HSD17B4: variants seen among roughly 807,000 people sequenced by gnomAD.
The protein encoded by HSD17B4 is hydroxysteroid 17-beta dehydrogenase 4.
Under a neutral mutation model 101.0 loss-of-function variants are expected in HSD17B4, and 70 were observed. That is an observed-to-expected ratio of 0.69 (90% CI 0.57 to 0.85). The LOEUF (loss-of-function observed/expected upper bound fraction) is 0.85, where lower values mean the gene tolerates loss of function less well. Ranked by LOEUF, HSD17B4 falls within the 40% of genes least tolerant of loss-of-function variation. HSD17B4 has a pLI of 0.00. For missense variants in HSD17B4, 984 were observed against 892.4 expected (o/e 1.10, Z -1.31); for synonymous variants, 347 against 297.1 (o/e 1.17, Z -1.73).
intron 8 of HSD17B4, among the ~76,000 whole-genome samples, chr5:119,482,059 T>C (rs933818743): frequency 6.6e-6 from 1 of 152,142 alleles, no homozygotes; most frequent in Non-Finnish European, 1.5e-5. Flanking sequence ...TGTCATTAAT[T>C]TTAGAACATT....
intron 10 of HSD17B4, 104 bp from the exon 11 acceptor site, chr5:119,493,714 T>A (rs752581643): frequency 9.6e-5 from 107 of 1,112,122 alleles, no homozygotes; most frequent in Admixed American, 1.4e-4. Context: ...GAATCCCTTT[T>A]TTTCTGAATT....
chr5:119,513,620 G>GT (rs916313487), intron 16 of HSD17B4, among the ~76,000 whole-genome samples: 1 of 152,182 alleles, frequency 6.6e-6, no homozygotes, highest in African/African-American at 2.4e-5. Flanking sequence ...CTGACCTCAG[G>GT]TGTCCCATCC....
chr5:119,509,149 T>C lies in HSD17B4; in HGVS notation c.1342T>C (p.Tyr448His). The stretch of plus-strand genomic sequence containing the variant: ...TTTTATTTACTTTTCAGTCTATTCT[T>C]ATTCTGAGAAGGAACTTATATGCCA... ...GVVIIMDVYS[Y>H]SEKELICHNQ... The change falls in exon 16 of 24, where the codon TAT becomes CAT. Residue 448 changes from tyrosine (Y) to histidine (H), a missense_variant. Transcript: ENST00000510025. 1 of 1,556,792 alleles carries C rather than the reference T, an allele frequency of 6.4e-7. No individual in the cohort carries two copies. The highest frequency in any genetic ancestry group is 1.1e-5 in the South Asian group (1 of 89,876).
chr5:119,522,177 C>A (rs1487470650), intron 17 of HSD17B4, among the ~76,000 whole-genome samples: 1 of 151,674 alleles, frequency 6.6e-6, no homozygotes, highest in East Asian at 1.9e-4. Flanking sequence ...TGAGTGAGAA[C>A]ATGTGGTGTT....
chr5:119,525,426 AG>A, intron 18 of HSD17B4, 141 bp downstream of exon 18: 1 of 683,546 alleles, frequency 1.5e-6, no homozygotes, highest in Non-Finnish European at 2.6e-6. Context: ...ATTTATGCAA[AG>A]GATATGGAAA....
intron 23 of HSD17B4, among the ~76,000 whole-genome samples, chr5:119,539,211 A>G (rs1203593675): frequency 1.3e-5 from 2 of 152,200 alleles, no homozygotes; most frequent in East Asian, 3.8e-4. Flanking sequence ...GATAGACTGC[A>G]TTAAGAAAAT....
chr5:119,526,629 G>A (rs1368824641), intron 19 of HSD17B4, among the ~76,000 whole-genome samples: 3 of 151,792 alleles, frequency 2.0e-5, no homozygotes, highest in South Asian at 4.2e-4. Context: ...ATTTTCTGAT[G>A]CATTGCCTTT....
chr5:119,538,264 C>T (rs73236713), intron 23 of HSD17B4, among the ~76,000 whole-genome samples: 5,524 of 152,204 alleles, frequency 0.036, 295 homozygotes, highest in African/African-American at 0.12. Context: ...TGTATCCTTT[C>T]CTTCCTTACT....
At chr5:119,483,642 C>T (rs1302349931) in intron 8 of HSD17B4, among the ~76,000 whole-genome samples, 4 of 152,086 alleles carry the variant, frequency 2.6e-5, no homozygotes, top group Non-Finnish European at 5.9e-5. Flanking sequence ...TTTTGTGTAG[C>T]TTTCCAATAT....
chr5:119,467,577 A>C (rs1051256788), intron 2 of HSD17B4, among the ~76,000 whole-genome samples: 1 of 152,218 alleles, frequency 6.6e-6, no homozygotes, highest in African/African-American at 2.4e-5. Context: ...TTTTTGACTT[A>C]AAGTCTATTA....
intron 12 of HSD17B4, 123 bp downstream of exon 12, chr5:119,496,769 A>C (rs1750686677): frequency 3.9e-6 from 3 of 771,836 alleles, no homozygotes. Context: ...ACTTTCTTTC[A>C]GTCTCTAATA....
chr5:119,460,677 C>T (rs564699420), intron 2 of HSD17B4, among the ~76,000 whole-genome samples: 53 of 152,134 alleles, frequency 3.5e-4, no homozygotes, highest in South Asian at 6.2e-4. Context: ...GTTCTAGATG[C>T]CAGAGGAATA....
chr5:119,474,045 A>G (rs375663898), intron 3 of HSD17B4, 30 bp downstream of exon 3: 1 of 1,118,730 alleles, frequency 8.9e-7, no homozygotes, highest in Non-Finnish European at 1.4e-6. Flanking sequence ...TATACTATTT[A>G]TTTTCCTTCA....
At chr5:119,523,742 A>G (rs1354173184) in intron 17 of HSD17B4, among the ~76,000 whole-genome samples, 1 of 152,162 alleles carries the variant, frequency 6.6e-6, no homozygotes, top group African/African-American at 2.4e-5. Context: ...AAAAATAACT[A>G]ACATTTATTG....
chr5:119,533,248 C>T (rs575020455), intron 22 of HSD17B4, among the ~76,000 whole-genome samples: 84 of 150,172 alleles, frequency 5.6e-4, no homozygotes, highest in African/African-American at 2.0e-3. Flanking sequence ...ATGCCAAGTT[C>T]TCTGCTAGGT....
chr5:119,454,417 T>C (rs1754387774), intron 1 of HSD17B4, among the ~76,000 whole-genome samples: 1 of 151,962 alleles, frequency 6.6e-6, no homozygotes, highest in Admixed American at 6.6e-5. Flanking sequence ...GTGATCCTTT[T>C]GCATCAGCTT....
intron 12 of HSD17B4, among the ~76,000 whole-genome samples, chr5:119,498,563 C>G (rs1365782408): frequency 6.6e-6 from 1 of 152,034 alleles, no homozygotes; most frequent in Non-Finnish European, 1.5e-5. Context: ...GAAGGAAATT[C>G]AAGTTAATTT....
chr5:119,504,113 G>T (rs1751438731), intron 14 of HSD17B4, among the ~76,000 whole-genome samples: 1 of 152,086 alleles, frequency 6.6e-6, no homozygotes, highest in African/African-American at 2.4e-5. Flanking sequence ...ACATGATTTT[G>T]TTCTTTTTCA....
chr5:119,475,334 A>G (rs1748479136), intron 4 of HSD17B4, among the ~76,000 whole-genome samples: 1 of 152,140 alleles, frequency 6.6e-6, no homozygotes, highest in Non-Finnish European at 1.5e-5. Context: ...GGCAAGGGAA[A>G]AATGTAACTT....
Sources: gnomAD v4.1 joint callset for allele counts (sites outside exome capture counted in the v4.1 genomes callset) on GRCh38, gnomAD v4.1.1 for gene constraint, MANE v1.5 for transcripts, NCBI Gene and HGNC (gene_info 2026-07-23, HGNC 2026-07-21) for gene names.